The following WDPCP variants were observed in gnomAD, a reference collection of about 807,000 sequenced individuals.
The protein encoded by WDPCP is WD repeat containing planar cell polarity effector, also known as WD repeat-containing and planar cell polarity effector protein fritz homolog.
Under a neutral mutation model 93.1 loss-of-function variants are expected in WDPCP, and 71 were observed. That is an observed-to-expected ratio of 0.76 (90% CI 0.63 to 0.93). The LOEUF (loss-of-function observed/expected upper bound fraction) is 0.93. WDPCP is among the 40% of genes least tolerant of loss of function. The probability of loss-of-function intolerance (pLI) is 0.00; values close to 1 mark genes in which losing one functional copy is unlikely to be tolerated. For missense variants in WDPCP, 844 were observed against 887.4 expected, an observed-to-expected ratio of 0.95 and a Z score of 0.62; for synonymous variants, 315 against 315.0, an observed-to-expected ratio of 1.00 and a Z score of 0.00.
chr2:63,430,437 A>G (rs569722736), intron 9 of WDPCP, among the ~76,000 whole-genome samples: 1 of 152,364 alleles, frequency 6.6e-6, no homozygotes, highest in African/African-American at 2.4e-5. Context: ...ACCATGTTAT[A>G]TGTGATGATC....
intron 12 of WDPCP, among the ~76,000 whole-genome samples, chr2:63,376,563 T>G: frequency 6.6e-6 from 1 of 151,864 alleles, no homozygotes; most frequent in Non-Finnish European, 1.5e-5. Context: ...TTCCAAAACT[T>G]CTGTTTCATT....
At chr2:63,605,642 G>A (rs2604613) in intron 3 of WDPCP, among the ~76,000 whole-genome samples, 122,185 of 152,138 alleles carry the variant, frequency 0.8, 49,722 homozygotes, top group East Asian at 0.98. Flanking sequence ...GAAAACACCT[G>A]GCACAATGCC....
chr2:63,194,984 G>A (rs1675317606), intron 14 of WDPCP, among the ~76,000 whole-genome samples: 1 of 151,966 alleles, frequency 6.6e-6, no homozygotes, highest in East Asian at 1.9e-4. Context: ...AGTTATTACT[G>A]TTTTTTTAAA....
At chr2:63,830,292 G>T (rs1240241753), upstream of WDPCP, among the ~76,000 whole-genome samples, 1 of 151,826 alleles carries the variant, frequency 6.6e-6, no homozygotes, top group Non-Finnish European at 1.5e-5. Flanking sequence ...ATCTTTACTG[G>T]AACCTCATTA....
chr2:63,522,455 G>GACACACAC (rs112008719), intron 1 of WDPCP, among the ~76,000 whole-genome samples: 6,678 of 127,102 alleles, frequency 0.053, 203 homozygotes, highest in East Asian at 0.087. Flanking sequence ...CAGACAGACA[G>GACACACAC]ACACACACAC....
chr2:63,360,267 G>A (rs752772849), intron 12 of WDPCP, among the ~76,000 whole-genome samples: 6 of 152,202 alleles, frequency 3.9e-5, no homozygotes, highest in Non-Finnish European at 5.9e-5. Flanking sequence ...TCTGTGTCTT[G>A]TTATAATTGC....
At chr2:63,758,040 C>T (rs1462080652) in intron 2 of WDPCP, among the ~76,000 whole-genome samples, 2 of 151,212 alleles carry the variant, frequency 1.3e-5, no homozygotes, top group Non-Finnish European at 2.9e-5. Context: ...AAATTATTTC[C>T]TTCACAAAGA....
intron 6 of WDPCP, among the ~76,000 whole-genome samples, chr2:63,482,954 T>A (rs1204951968): frequency 6.6e-6 from 1 of 151,940 alleles, no homozygotes; most frequent in Non-Finnish European, 1.5e-5. Context: ...ATATATATAT[T>A]TTATCATGAA....
intron 15 of WDPCP, among the ~76,000 whole-genome samples, chr2:63,156,728 ACT>A (rs1203504583): frequency 6.6e-6 from 1 of 152,014 alleles, no homozygotes; most frequent in Non-Finnish European, 1.5e-5. Context: ...ACAGAGCGAG[ACT>A]CTGTCTCAAA....
rs1670957079 is a variant in WDPCP at position 63,817,711 on chromosome 2, A to T, written n.223-4004T>A. On this transcript the variant is annotated intron_variant and non_coding_transcript_variant, in intron 1 of 4. Coordinates refer to the WDPCP transcript ENST00000467687. ...TATTATCCGTCCCTTTACAAAAAAA[A>T]GTTTGCCAACCTCTCTACTAAAGTT... Among the ~76,000 whole-genome samples the T allele has an allele frequency of 2.0e-5, 3 of 152,296 alleles. No individual in the cohort carries two copies. The South Asian group carries it at 6.2e-4, about 32-fold the overall frequency.
intron 2 of WDPCP, chr2:63,717,116 C>T: frequency 2.9e-6 from 1 of 342,438 alleles, no homozygotes; most frequent in Non-Finnish European, 5.6e-6. Context: ...TTCTGGAGTT[C>T]ACCTGCCATG....
At chr2:63,734,143 C>T (rs1337356581) in intron 2 of WDPCP, among the ~76,000 whole-genome samples, 1 of 152,146 alleles carries the variant, frequency 6.6e-6, no homozygotes, top group African/African-American at 2.4e-5. Context: ...ATCCATTCAC[C>T]AGTTGATGAA....
At position 63,437,571 on chromosome 2, in the gene WDPCP, G is replaced by T; in HGVS notation, c.500-17C>A. ...TGAGAAGAGCTAAAAAACATAATTA[G>T]ATATTACCAAGTTAGAATAAAATAA... On this transcript the variant is annotated splice_polypyrimidine_tract_variant and intron_variant, in intron 7 of 17. Transcript: ENST00000272321. 1 of 1,564,360 alleles carries T rather than the reference G, an allele frequency of 6.4e-7. No individual in the cohort carries two copies. The highest frequency in any genetic ancestry group is 1.2e-5 in the South Asian group (1 of 83,896).
At chr2:63,146,276 C>T (rs1439660815) in intron 17 of WDPCP, among the ~76,000 whole-genome samples, 1 of 151,938 alleles carries the variant, frequency 6.6e-6, no homozygotes, top group Non-Finnish European at 1.5e-5. Context: ...GCATCCTTGT[C>T]TTGTGTCAGT....
intron 17 of WDPCP, among the ~76,000 whole-genome samples, chr2:63,138,641 A>T (rs1670819727): frequency 6.6e-6 from 1 of 151,866 alleles, no homozygotes; most frequent in Admixed American, 6.6e-5. Context: ...TTTAGTAGAG[A>T]TGGGGTTTCA....
chr2:63,588,044 G>A (rs1708991050), intron 1 of WDPCP, among the ~76,000 whole-genome samples, 153 bp downstream of exon 1: 1 of 152,266 alleles, frequency 6.6e-6, no homozygotes, highest in Non-Finnish European at 1.5e-5. Context: ...CAAAATAGCT[G>A]CATTCCCACA....
intron 13 of WDPCP, among the ~76,000 whole-genome samples, chr2:63,307,481 T>G (rs1033722530): frequency 6.6e-6 from 1 of 152,184 alleles, no homozygotes; most frequent in Admixed American, 6.5e-5. Context: ...GCTACCTGAC[T>G]TCAAACTATA....
At chr2:63,490,104 TAAAAAA>T (rs60420871) in intron 2 of WDPCP, among the ~76,000 whole-genome samples, 2 of 126,008 alleles carry the variant, frequency 1.6e-5, no homozygotes, top group South Asian at 4.8e-4. Flanking sequence ...CATGAAAATG[TAAAAAA>T]AAAAAAAAAG....
intron 1 of WDPCP, among the ~76,000 whole-genome samples, chr2:63,563,737 A>G (rs1203686672): frequency 6.6e-6 from 1 of 152,154 alleles, no homozygotes; most frequent in Non-Finnish European, 1.5e-5. Flanking sequence ...GGCCTTAAAA[A>G]AGAGAAAGAA....
Sources: gnomAD v4.1 joint callset for allele counts (sites outside exome capture counted in the v4.1 genomes callset) on GRCh38, gnomAD v4.1.1 for gene constraint, MANE v1.5 for transcripts, NCBI Gene and HGNC (gene_info 2026-07-23, HGNC 2026-07-21) for gene names.